The following CD8B variants were observed in gnomAD, a reference collection of about 807,000 sequenced individuals.
CD8B encodes CD8 subunit beta.
Under a neutral mutation model 24.2 loss-of-function variants are expected in CD8B, and 6 were observed. The ratio of observed to expected loss-of-function variants is 0.25; its 90% CI spans 0.14 to 0.49. CD8B has a LOEUF of 0.49. Among genes scored for constraint, CD8B ranks in the 20% least tolerant of loss-of-function variants. CD8B has a pLI of 0.98. For synonymous variants in CD8B, 84 were observed against 108.3 expected, an observed-to-expected ratio of 0.78 and a Z score of 1.39; for missense variants, 196 against 271.3, an observed-to-expected ratio of 0.72 and a Z score of 1.95.
chr2:86,836,218 A>C (rs939631304), downstream of CD8B, among the ~76,000 whole-genome samples: 2 of 152,076 alleles, frequency 1.3e-5, no homozygotes, highest in Non-Finnish European at 2.9e-5. Context: ...AGGACTTTCT[A>C]TCTGAGCCTT....
intron 5 of CD8B, among the ~76,000 whole-genome samples, chr2:86,824,728 T>G (rs777929408): frequency 3.3e-5 from 5 of 152,176 alleles, no homozygotes; most frequent in Admixed American, 6.5e-5. Flanking sequence ...AGGGATGCTT[T>G]CTTGTGCTTC....
intron 5 of CD8B, among the ~76,000 whole-genome samples, chr2:86,830,624 C>A (rs1674871388): frequency 6.6e-6 from 1 of 151,476 alleles, no homozygotes; most frequent in African/African-American, 2.4e-5. Flanking sequence ...TGAATATTTT[C>A]GTGATATATT....
chr2:86,824,291 A>C (rs138199680), intron 5 of CD8B, among the ~76,000 whole-genome samples: 109 of 152,260 alleles, frequency 7.2e-4, no homozygotes, highest in African/African-American at 2.5e-3. Context: ...GGCTCAGATC[A>C]ATGCTGCTTT....
rs193019558 is a variant in CD8B, at chr2:86,861,698, C to A, written c.43+125G>T. On this transcript the variant is annotated intron_variant, in intron 1 of 5. Coordinates refer to ENST00000390655, the MANE Select transcript of CD8B (RefSeq NM_004931.5). ...CGTGCCTGCCAAGCTGCCTCCCGGG[C>A]GCCCCGCCACCGCGGGCTCGACGCT... 2,782 of 616,836 alleles carry A rather than the reference C, an allele frequency of 4.5e-3. 65 individuals carry two copies. The African/African-American group carries it at 0.049, about 11-fold the overall frequency. The allele number at this position is 616,836 out of a possible 1,614,324, so 38.2% of individuals were successfully genotyped here.
At chr2:86,834,764 G>A (rs1481791137), downstream of CD8B, among the ~76,000 whole-genome samples, 8 of 151,870 alleles carry the variant, frequency 5.3e-5, no homozygotes, top group African/African-American at 1.7e-4. Flanking sequence ...GTGAAACCCC[G>A]TCTCTACTAA....
At chr2:86,827,866 A>G (rs1419731436) in intron 5 of CD8B, among the ~76,000 whole-genome samples, 1 of 152,206 alleles carries the variant, frequency 6.6e-6, no homozygotes, top group Admixed American at 6.5e-5. Context: ...ATATGCAGTG[A>G]TCATGAACTC....
At position 86,858,105 on chromosome 2, in the gene CD8B, C is replaced by T. The variant is rs375735227; in HGVS notation, c.355G>A (p.Val119Ile). The change falls in exon 2 of 6, where the codon GTC becomes ATC. Residue 119 changes from valine (V) to isoleucine (I), a missense_variant. Coordinates refer to ENST00000390655, the MANE Select transcript of CD8B (RefSeq NM_004931.5). ...CCGAAGGTCAGCTCGGGGCTCCCGA[C>T]GATCATGCAGAAGTAGATGCCACTG... Reference protein sequence around the residue: ...EDSGIYFCMIVGSPELTFGKG... With the variant: ...EDSGIYFCMIIGSPELTFGKG... 26 of 1,613,952 alleles carry T rather than the reference C, an allele frequency of 1.6e-5. No individual in the cohort carries two copies. Among genetic ancestry groups the T allele is most frequent in the Admixed American group, 5.0e-5 (3 of 60,018 alleles).
chr2:86,838,910 C>G lies in CD8B; in HGVS notation c.*3397G>C, dbSNP rs1032805550. ...GTATAATTTACATCTATATCCATAG[C>G]TCTAAAGTCAACATATCTGAGTGTA... On this transcript the variant is annotated 3_prime_UTR_variant, in exon 6 of 6. Transcript: ENST00000390655. Among the ~76,000 whole-genome samples the G allele has an allele frequency of 9.2e-5, 14 of 152,200 alleles. No individual in the cohort carries two copies. Among genetic ancestry groups the G allele is most frequent in the African/African-American group, 3.4e-4 (14 of 41,450 alleles).
intron 5 of CD8B, among the ~76,000 whole-genome samples, chr2:86,816,552 A>G (rs1674253463): frequency 6.6e-6 from 1 of 152,210 alleles, no homozygotes; most frequent in Non-Finnish European, 1.5e-5. Flanking sequence ...CACAAATAGA[A>G]CAATGAAAGA....
chr2:86,817,039 A>G (rs1306109417), intron 5 of CD8B, among the ~76,000 whole-genome samples: 2 of 152,190 alleles, frequency 1.3e-5, no homozygotes, highest in Non-Finnish European at 2.9e-5. Flanking sequence ...GTACGTGACC[A>G]AGCCAATATC....
At chr2:86,842,474 T>G (rs1163941679) in intron 5 of CD8B, among the ~76,000 whole-genome samples, 155 bp from the exon 6 acceptor site, 1 of 152,218 alleles carries the variant, frequency 6.6e-6, no homozygotes, top group African/African-American at 2.4e-5. Context: ...GGGCCCATCT[T>G]AGTCATTAAA....
chr2:86,838,106 C>A (rs1675251858), downstream of CD8B, among the ~76,000 whole-genome samples: 2 of 152,166 alleles, frequency 1.3e-5, no homozygotes, highest in Admixed American at 1.3e-4. Flanking sequence ...ATGAATAAAT[C>A]TTTCGTTTGT....
chr2:86,815,852 C>G, intron 5 of CD8B: 1 of 671,794 alleles, frequency 1.5e-6, no homozygotes, highest in Non-Finnish European at 2.7e-6. Context: ...ACAGAAAGAG[C>G]CAGGCATATA....
chr2:86,822,354 T>A, intron 5 of CD8B: 1 of 1,589,274 alleles, frequency 6.3e-7, no homozygotes, highest in Non-Finnish European at 8.6e-7. Flanking sequence ...GGAACATTTC[T>A]CCAGTGGATG....
Position 86,841,514 on chromosome 2 carries a change from T to A in CD8B, c.*793A>T, listed in dbSNP as rs1675421178. 1.2e-6 allele frequency: 1 copy of A among 826,670 alleles called. No homozygotes were observed. The highest frequency in any genetic ancestry group is 6.2e-5 in the Admixed American group (1 of 16,050). The allele number at this position is 826,670 out of a possible 1,614,324, so 51.2% of individuals were successfully genotyped here. On this transcript the variant is annotated 3_prime_UTR_variant, in exon 6 of 6. Coordinates refer to ENST00000390655, the MANE Select transcript of CD8B (RefSeq NM_004931.5). ...GATGTACAAATTTTCTCCTTCTGGT[T>A]TCTGTTCCACGGAGCACTGATGTCT...
chr2:86,829,018 C>G (rs949507012), intron 5 of CD8B, among the ~76,000 whole-genome samples: 1 of 148,974 alleles, frequency 6.7e-6, no homozygotes, highest in African/African-American at 2.5e-5. Flanking sequence ...ATAAACAAGA[C>G]GATAAAGATC....
At chr2:86,850,622 A>G (rs1311254035) in intron 3 of CD8B, among the ~76,000 whole-genome samples, 1 of 152,102 alleles carries the variant, frequency 6.6e-6, no homozygotes, top group African/African-American at 2.4e-5. Context: ...ACTTGCCACT[A>G]GGCTACACTG....
intron 5 of CD8B, among the ~76,000 whole-genome samples, chr2:86,820,881 G>C (rs1033797876): frequency 2.6e-5 from 4 of 152,184 alleles, no homozygotes; most frequent in Admixed American, 2.6e-4. Flanking sequence ...CACTCTGCAA[G>C]CACTATTTTA....
chr2:86,854,849 G>A (rs1329932380), intron 2 of CD8B, among the ~76,000 whole-genome samples: 109 of 151,932 alleles, frequency 7.2e-4, no homozygotes, highest in Non-Finnish European at 4.0e-4. Context: ...GGCTGGGCGC[G>A]GTGACTCACG....
Sources: gnomAD v4.1 joint callset for allele counts (sites outside exome capture counted in the v4.1 genomes callset) on GRCh38, gnomAD v4.1.1 for gene constraint, MANE v1.5 for transcripts, NCBI Gene and HGNC (gene_info 2026-07-23, HGNC 2026-07-21) for gene names.